Variants in ROCK2 observed in about 807,000 individuals in gnomAD.
ROCK2 encodes rho-associated protein kinase 2.
A neutral mutation model predicts 195.1 loss-of-function variants in ROCK2; 61 were observed. That is an observed-to-expected ratio of 0.31 (90% CI 0.25 to 0.39). The LOEUF is 0.39. Among genes scored for constraint, ROCK2 ranks in the 10% least tolerant of loss-of-function variants. The pLI, the probability that ROCK2 is intolerant of heterozygous loss-of-function variation, is 1.00. For missense variants in ROCK2, 1,109 were observed against 1,637.4 expected, an observed-to-expected ratio of 0.68 and a Z score of 5.57; for synonymous variants, 504 against 545.5, an observed-to-expected ratio of 0.92 and a Z score of 1.06.
chr2:11,272,733 G>A lies in ROCK2; in HGVS notation c.324+13806C>T, dbSNP rs140617725. On this transcript the variant is annotated intron_variant, in intron 3 of 32. Coordinates refer to ENST00000315872, the MANE Select transcript of ROCK2 (RefSeq NM_004850.5). ...AAAAATACCAAAATTAGCCAGGCAC[G>A]GTGATGGGCACCTGTAACCCCAGCT... Among the ~76,000 whole-genome samples the A allele has an allele frequency of 9.0e-3, 1,372 of 151,992 alleles. 16 individuals are homozygous for A. Among genetic ancestry groups the A allele is most frequent in the African/African-American group, 0.031 (1,280 of 41,440 alleles).
In ROCK2 at chr2:11,287,699, G is replaced by A; in HGVS notation, c.179C>T (p.Pro60Leu). Residue 60 changes from proline to leucine, a missense_variant, in exon 2 of 33, where the codon CCT becomes CTT. Pro to Leu is a moderately conservative substitution (Grantham distance 98). Around this residue, in one of 6 missense-constraint regions of ROCK2, gnomAD observed 253 missense variants for 455.5 expected, o/e 0.56. Coordinates refer to ENST00000315872, the MANE Select transcript of ROCK2 (RefSeq NM_004850.5). The part of the protein sequence containing the change: ...LNSLVLDLDF[P>L]ALRKNKNIDN... The stretch of plus-strand genomic sequence containing the variant: ...TATGTTCTTGTTTTTCCTCAAAGCA[G>A]GAAAATCTAAATCAAGGACCAAGGA... 7.5e-7 allele frequency: 1 copy of A among 1,326,748 alleles called. No individual in the cohort carries two copies. The highest frequency in any genetic ancestry group is 2.4e-5 in the Admixed American group (1 of 42,336). 82.2% of individuals were successfully genotyped at this position (1,326,748 alleles called of 1,614,324 possible).
At chr2:11,267,076 A>G (rs1184131032) in intron 3 of ROCK2, among the ~76,000 whole-genome samples, 1 of 152,232 alleles carries the variant, frequency 6.6e-6, no homozygotes, top group Non-Finnish European at 1.5e-5. Context: ...AAGACATGAT[A>G]AATCAAGGTC....
intron 4 of ROCK2, among the ~76,000 whole-genome samples, chr2:11,248,108 T>C (rs533811590): frequency 2.0e-5 from 3 of 150,980 alleles, no homozygotes; most frequent in East Asian, 2.0e-4. Flanking sequence ...ATTCACTGCC[T>C]ACAATTTAAA....
rs1485450267 is a variant in ROCK2, at chr2:11,344,172, G to A, written c.-36C>T. The A allele has an allele frequency of 5.0e-6, 7 of 1,391,872 alleles. No homozygotes were observed. Among genetic ancestry groups the A allele is most frequent in the African/African-American group, 4.6e-5 (3 of 64,958 alleles). 86.2% of individuals were successfully genotyped at this position (1,391,872 alleles called of 1,614,324 possible). Reference sequence around the variant, plus strand: ...CTGGACCCGCACTCAGGCTCCTCGCGCTCAGGTCCCGCAGCCTCGGGGCCT... The same window carrying A: ...CTGGACCCGCACTCAGGCTCCTCGCACTCAGGTCCCGCAGCCTCGGGGCCT... On this transcript the variant is annotated 5_prime_UTR_variant, in exon 1 of 33. Transcript: ENST00000315872. This position sits in a 1 kb window ranked among gnomAD's most constrained non-coding sequence, Gnocchi z 5.4.
At chr2:11,205,153 A>C (rs1049971054) in intron 20 of ROCK2, among the ~76,000 whole-genome samples, 6 of 152,316 alleles carry the variant, frequency 3.9e-5, no homozygotes, top group Admixed American at 2.0e-4. Flanking sequence ...GGTTGTACCC[A>C]ATTACTCTGT....
At chr2:11,211,623 A>G in intron 18 of ROCK2, 58 bp downstream of exon 18, 10 of 1,464,386 alleles carry the variant, frequency 6.8e-6, no homozygotes, top group Non-Finnish European at 9.1e-6. Context: ...CAAAAAGCTA[A>G]CACAGAATCA....
chr2:11,245,024 A>T (rs1319235774), intron 4 of ROCK2, among the ~76,000 whole-genome samples: 1 of 151,824 alleles, frequency 6.6e-6, no homozygotes, highest in Non-Finnish European at 1.5e-5. Context: ...AATATTAGTA[A>T]ATCAAATTCA....
At chr2:11,276,770 T>C (rs1018672550) in intron 3 of ROCK2, among the ~76,000 whole-genome samples, 4 of 152,200 alleles carry the variant, frequency 2.6e-5, no homozygotes, top group African/African-American at 9.6e-5. Context: ...TATGCTTGTC[T>C]GTATGTGTAC....
At position 11,239,674 on chromosome 2, in the gene ROCK2, A is replaced by G. The variant is rs114180174; in HGVS notation, c.463-3712T>C. 3.2e-3 allele frequency among the ~76,000 whole-genome samples: 491 copies of G among 152,330 alleles called. 2 individuals carry two copies. The highest frequency in any genetic ancestry group is 0.011 in the African/African-American group (439 of 41,568). On this transcript the variant is annotated intron_variant, in intron 4 of 32. Transcript: ENST00000315872. ...AGCAAATAACATGGAGTACATCTGTATACCGTTTCCACCCCAACTGGGTGT... is the reference window on the plus strand; with the variant it reads ...AGCAAATAACATGGAGTACATCTGTGTACCGTTTCCACCCCAACTGGGTGT...
chr2:11,211,552 GT>G (rs1427521670), intron 18 of ROCK2, 128 bp downstream of exon 18: 5 of 826,666 alleles, frequency 6.0e-6, no homozygotes, highest in Admixed American at 5.8e-5. Flanking sequence ...TTCCCTAATA[GT>G]TTTTTTCCCT....
chr2:11,225,550 G>C (rs1001005963), intron 6 of ROCK2, among the ~76,000 whole-genome samples: 2 of 151,184 alleles, frequency 1.3e-5, no homozygotes, highest in Non-Finnish European at 2.9e-5. Flanking sequence ...ATGTTCCCCA[G>C]GCTGGCCTTG....
rs145668712 is a variant in ROCK2, at chr2:11,222,677, T to C, written c.1008-503A>G. Among the ~76,000 whole-genome samples the C allele has an allele frequency of 3.1e-3, 477 of 152,264 alleles. 1 individual carries two copies. The highest frequency in any genetic ancestry group is 0.011 in the African/African-American group (463 of 41,566). On this transcript the variant is annotated intron_variant, in intron 7 of 32. Transcript: ENST00000315872. Reference sequence around the variant, plus strand: ...CTCTACATGTATATTAAACTTATCATTCTGCATATATGAAAAATGTTACAA... The same window carrying C: ...CTCTACATGTATATTAAACTTATCACTCTGCATATATGAAAAATGTTACAA...
Position 11,180,510 on chromosome 2 carries a change from T to G in ROCK2, c.*2927A>C, listed in dbSNP as rs898693074. 1 of 152,214 alleles carries G rather than the reference T, an allele frequency of 6.6e-6. No homozygotes were observed. The highest frequency in any genetic ancestry group is 6.5e-5 in the Admixed American group (1 of 15,276). 9.4% of individuals were successfully genotyped at this position (152,214 alleles called of 1,614,324 possible). A position where few individuals can be genotyped will look rare whatever the true frequency, so the allele number is the denominator to read the frequency against. The stretch of plus-strand genomic sequence containing the variant: ...AGAGAACATGGTTTTTTAAAATTAA[T>G]ACTTTAAAAACATTCACTGTACATT... On this transcript the variant is annotated 3_prime_UTR_variant, in exon 33 of 33. Coordinates refer to ENST00000315872, the MANE Select transcript of ROCK2 (RefSeq NM_004850.5).
upstream of ROCK2, among the ~76,000 whole-genome samples, chr2:11,344,994 C>T (rs1309008261): frequency 1.3e-5 from 2 of 151,006 alleles, no homozygotes; most frequent in South Asian, 2.1e-4. This position sits in a 1 kb window ranked among gnomAD's most constrained non-coding sequence, Gnocchi z 5.4. Flanking sequence ...AGACGCCGGG[C>T]CCAGCGCACC....
chr2:11,221,357 G>A lies in ROCK2; in HGVS notation c.1100C>T (p.Thr367Met), dbSNP rs369959149. ...DQWHWDNIRE[T>M]AAPVVPELSS... is the part of the protein sequence containing the mutation. ...GAGTTCAGGTACTACAGGAGCTGCCGCTATTAAAAGAAAAGAAATAAATTA... is the reference window on the plus strand; with the variant it reads ...GAGTTCAGGTACTACAGGAGCTGCCACTATTAAAAGAAAAGAAATAAATTA... Residue 367 changes from threonine to methionine, a missense_variant and splice_region_variant, in exon 9 of 33, where the codon ACG becomes ATG. This residue lies in a region of ROCK2 where 253 missense variants were observed against 455.5 expected (regional missense o/e 0.56). Transcript: ENST00000315872. 5.1e-5 allele frequency: 78 copies of A among 1,520,834 alleles called. No individual in the cohort carries two copies. Among genetic ancestry groups the A allele is most frequent in the South Asian group, 9.8e-5 (7 of 71,512 alleles). 94.2% of individuals were successfully genotyped at this position (1,520,834 alleles called of 1,614,324 possible).
chr2:11,227,604 CTG>C lies in ROCK2; in HGVS notation c.724-208_724-207del, dbSNP rs755128742. Among the ~76,000 whole-genome samples, 4 of 152,156 alleles carry C rather than the reference CTG, an allele frequency of 2.6e-5. No individual in the cohort carries two copies. In the South Asian group the frequency reaches 6.2e-4, roughly 24 times the overall value. On this transcript the variant is annotated intron_variant, in intron 5 of 32. Coordinates refer to ENST00000315872, the MANE Select transcript of ROCK2 (RefSeq NM_004850.5). ...CTAAATTATGGGAGATAGGAATAAA[CTG>C]TGAACTCTAAAATACAGGAGGCTTC...
chr2:11,288,876 A>G (rs1667279002), intron 1 of ROCK2, among the ~76,000 whole-genome samples: 1 of 152,130 alleles, frequency 6.6e-6, no homozygotes, highest in Admixed American at 6.5e-5. Context: ...GTTCCAGACC[A>G]ACGTGGGCAA....
intron 12 of ROCK2, among the ~76,000 whole-genome samples, chr2:11,216,438 G>T (rs771621767): frequency 5.5e-5 from 8 of 145,100 alleles, no homozygotes; most frequent in Non-Finnish European, 7.5e-5. Context: ...AGCTCCCTTG[G>T]CCCCTCAAAG....
chr2:11,183,894 A>G (rs995861984), intron 32 of ROCK2, among the ~76,000 whole-genome samples: 3 of 152,200 alleles, frequency 2.0e-5, no homozygotes, highest in African/African-American at 7.2e-5. Flanking sequence ...GTTGTAGTAA[A>G]TATATACAAG....
Sources: allele counts gnomAD v4.1 joint callset (sites outside exome capture counted in the v4.1 genomes callset), GRCh38; gene constraint gnomAD v4.1.1; regional missense constraint gnomAD v4.1.1; non-coding constraint Gnocchi (gnomAD v3.1); transcripts MANE v1.5; gene names NCBI Gene and HGNC (gene_info 2026-07-23, HGNC 2026-07-21).